PARP14: variants seen among roughly 807,000 people sequenced by gnomAD.
The protein encoded by PARP14 is poly(ADP-ribose) polymerase family member 14.
In PARP14, 59 loss-of-function variants were observed where a neutral mutation model predicts 154.2. The observed-to-expected ratio is 0.38, with a 90% CI of 0.31 to 0.48. The LOEUF (loss-of-function observed/expected upper bound fraction) is 0.48. Ranked by LOEUF, PARP14 falls within the 20% of genes least tolerant of loss-of-function variation. PARP14 has a pLI of 0.98. For missense variants in PARP14, 1,734 were observed against 2,131.6 expected (o/e 0.81, Z 3.67); for synonymous variants, 720 against 780.5 (o/e 0.92, Z 1.29).
At chr3:122,723,397 G>T (rs75445949) in intron 15 of PARP14, among the ~76,000 whole-genome samples, 144 of 152,176 alleles carry the variant, frequency 9.5e-4, no homozygotes, top group African/African-American at 3.2e-3. Context: ...TATTTTTCAT[G>T]ACATGAATTT....
In PARP14 at chr3:122,718,119, C is replaced by A. The variant is rs1933044969; in HGVS notation, c.4049C>A (p.Ala1350Asp). 6.2e-7 allele frequency: 1 copy of A among 1,613,748 alleles called. No individual in the cohort carries two copies. Among genetic ancestry groups the A allele is most frequent in the Non-Finnish European group, 8.5e-7 (1 of 1,179,766 alleles). Residue 1350 changes from alanine to aspartate, a missense_variant, in exon 13 of 17, where the codon GCC becomes GAC. Ala to Asp is a moderately radical substitution (Grantham distance 126). Around this residue, in one of 2 missense-constraint regions of PARP14, gnomAD observed 1,646 missense variants for 1,976.0 expected, o/e 0.83. Transcript: ENST00000474629. ...PDKVAEAIID[A>D]IEDFVQKGSA... ...AAGGTTGCTGAAGCCATAATTGATG[C>A]CATTGAAGACTTTGTCCAGAAAGGA...
At position 122,680,867 on chromosome 3, in the gene PARP14, G is replaced by C; in HGVS notation, c.-17G>C. 1 of 1,586,728 alleles carries C rather than the reference G, an allele frequency of 6.3e-7. No individual in the cohort carries two copies. On this transcript the variant is annotated 5_prime_UTR_variant, in exon 1 of 17. Coordinates refer to ENST00000474629, the MANE Select transcript of PARP14 (RefSeq NM_017554.3). ...GTTGGCGCGGCCCCTGCAGTCCGGC[G>C]GAGAGCGGAGCTGAGGATGGCTGTG...
chr3:122,680,958 C>G lies in PARP14; in HGVS notation c.75C>G (p.Thr25=). ...WGPDPPKNLN[T]KLQMYFQSPK... ...CCGACCCCCCGAAGAACTTGAACAC[C>G]AAGTTGCAGATGTACTTCCAGAGCC... The change falls in exon 1 of 17, where the codon ACC becomes ACG. Residue 25 remains threonine (T), a synonymous_variant. Coordinates refer to ENST00000474629, the MANE Select transcript of PARP14 (RefSeq NM_017554.3). The G allele has an allele frequency of 6.2e-7, 1 of 1,613,552 alleles. No homozygotes were observed. The highest frequency in any genetic ancestry group is 8.5e-7 in the Non-Finnish European group (1 of 1,179,582).
At chr3:122,697,188 A>C (rs1484780683) in intron 5 of PARP14, among the ~76,000 whole-genome samples, 1 of 152,168 alleles carries the variant, frequency 6.6e-6, no homozygotes, top group Non-Finnish European at 1.5e-5. Context: ...TCCTGGGCTC[A>C]AGCAATACTC....
intron 1 of PARP14, among the ~76,000 whole-genome samples, chr3:122,684,216 G>T (rs1162644850): frequency 6.6e-6 from 1 of 152,168 alleles, no homozygotes; most frequent in Middle Eastern, 3.2e-3. Context: ...CAACATTCAT[G>T]CTAGAGCTAC....
intron 15 of PARP14, chr3:122,722,681 T>G (rs967627444): frequency 2.0e-5 from 3 of 152,228 alleles, no homozygotes; most frequent in Non-Finnish European, 4.4e-5. Flanking sequence ...TCTGTCATCC[T>G]CTATGACTAT....
chr3:122,715,298 T>G (rs1040145295), intron 12 of PARP14, among the ~76,000 whole-genome samples: 4 of 152,130 alleles, frequency 2.6e-5, no homozygotes, highest in African/African-American at 9.7e-5. Context: ...GATCTGTCAT[T>G]CTGTTGCTCG....
intron 3 of PARP14, among the ~76,000 whole-genome samples, chr3:122,687,323 C>T (rs142483196): frequency 2.6e-4 from 39 of 152,336 alleles, no homozygotes; most frequent in African/African-American, 9.4e-4. Context: ...ATTGGAACTG[C>T]TCTCTCTGGG....
At position 122,713,710 on chromosome 3, in the gene PARP14, TTAA is replaced by T. The variant is rs557371043; in HGVS notation, c.3769+142_3769+144del. Reference sequence around the variant, plus strand: ...ATTATGCTGACAGGGTTTTCCATAATTAATAATGTTTATTTTATGAAGTTTTCT... The same window carrying T: ...ATTATGCTGACAGGGTTTTCCATAATTAATGTTTATTTTATGAAGTTTTCT... On this transcript the variant is annotated intron_variant, in intron 10 of 16. Coordinates refer to ENST00000474629, the MANE Select transcript of PARP14 (RefSeq NM_017554.3). The T allele has an allele frequency of 7.4e-5, 66 of 887,412 alleles. No individual in the cohort carries two copies. In the African/African-American group the frequency reaches 9.8e-4, roughly 13 times the overall value. The allele number at this position is 887,412 out of a possible 1,614,324, so 55.0% of individuals were successfully genotyped here. A position where few individuals can be genotyped will look rare whatever the true frequency, so the allele number is the denominator to read the frequency against.
chr3:122,708,006 T>A (rs1576593667), intron 8 of PARP14, among the ~76,000 whole-genome samples, 184 bp from the exon 9 acceptor site: 1 of 152,346 alleles, frequency 6.6e-6, no homozygotes, highest in African/African-American at 2.4e-5. Flanking sequence ...TTAGACACAT[T>A]TATAGAAACA....
At chr3:122,720,114 C>A in intron 14 of PARP14, 141 bp from the exon 15 acceptor site, 1 of 816,560 alleles carries the variant, frequency 1.2e-6, no homozygotes, top group Non-Finnish European at 1.9e-6. Flanking sequence ...GTTGTTCATG[C>A]TTTGAAAAGC....
chr3:122,722,897 CTT>C (rs1933194088), intron 15 of PARP14, among the ~76,000 whole-genome samples: 1 of 152,012 alleles, frequency 6.6e-6, no homozygotes, highest in Non-Finnish European at 1.5e-5. Flanking sequence ...CAATTAAAAA[CTT>C]AACATTAATT....
intron 2 of PARP14, among the ~76,000 whole-genome samples, chr3:122,686,011 T>C (rs939566319): frequency 2.0e-5 from 3 of 152,208 alleles, no homozygotes; most frequent in African/African-American, 7.2e-5. Context: ...ACCCCAATTG[T>C]AAAATGGAAT....
At chr3:122,688,935 TCAGCACTGAGC>T (rs1938458486) in intron 3 of PARP14, among the ~76,000 whole-genome samples, 1 of 152,024 alleles carries the variant, frequency 6.6e-6, no homozygotes, top group Admixed American at 6.5e-5. Flanking sequence ...TCAGGTGAAG[TCAGCACTGAGC>T]TAATGTCCTG....
chr3:122,696,261 TTG>T (rs1029814516), intron 5 of PARP14, among the ~76,000 whole-genome samples: 3 of 152,166 alleles, frequency 2.0e-5, no homozygotes, highest in African/African-American at 7.2e-5. Context: ...GAGGTTCCAC[TTG>T]TGTTCAGAAG....
In PARP14 at chr3:122,728,616, A is replaced by T. The variant is rs1933346615; in HGVS notation, c.*19A>T. On this transcript the variant is annotated 3_prime_UTR_variant, in exon 17 of 17. Transcript: ENST00000474629. The stretch of plus-strand genomic sequence containing the variant: ...AAAATAACACTTTGGTATCCTTCCC[A>T]CAAAATTATTCTCCATTTGTACATA... The T allele has an allele frequency of 3.2e-6, 5 of 1,586,746 alleles. No homozygotes were observed. In the South Asian group the frequency reaches 5.6e-5, roughly 18 times the overall value.
At chr3:122,720,436 T>C (rs372564983) in intron 15 of PARP14, 48 bp downstream of exon 15, 2 of 1,567,936 alleles carry the variant, frequency 1.3e-6, no homozygotes, top group Admixed American at 1.7e-5. Context: ...AAATAAGTTC[T>C]GTCATGGTCC....
chr3:122,685,417 A>G, intron 2 of PARP14, 99 bp downstream of exon 2: 1 of 1,132,678 alleles, frequency 8.8e-7, no homozygotes, highest in Non-Finnish European at 1.3e-6. Context: ...GAAAAGCATG[A>G]AGCAAACTGC....
chr3:122,697,335 G>A (rs1375900681), intron 5 of PARP14, among the ~76,000 whole-genome samples: 2 of 152,162 alleles, frequency 1.3e-5, no homozygotes, highest in Admixed American at 1.3e-4. Context: ...AGTCTTATGG[G>A]CATCTTGATT....
Sources: allele counts gnomAD v4.1 joint callset (sites outside exome capture counted in the v4.1 genomes callset), GRCh38; gene constraint gnomAD v4.1.1; regional missense constraint gnomAD v4.1.1; transcripts MANE v1.5; gene names NCBI Gene and HGNC (gene_info 2026-07-23, HGNC 2026-07-21).